Variants in MYH10 observed in about 807,000 individuals in gnomAD.
MYH10 encodes myosin-10.
In MYH10, 55 loss-of-function variants were observed where a neutral mutation model predicts 257.8. The ratio of observed to expected loss-of-function variants is 0.21; its 90% CI spans 0.17 to 0.27. The LOEUF is 0.27. MYH10 is among the 10% of genes least tolerant of loss of function. MYH10 has a pLI of 1.00. For missense variants in MYH10, 1,631 were observed against 2,500.6 expected (o/e 0.65, Z 7.42); for synonymous variants, 854 against 921.7 (o/e 0.93, Z 1.33).
intron 2 of MYH10, among the ~76,000 whole-genome samples, chr17:8,611,024 A>G (rs2085018122): frequency 1.3e-5 from 2 of 152,238 alleles, no homozygotes; most frequent in Admixed American, 6.5e-5. Context: ...ATAGTTATGC[A>G]TCCCAAAACC....
intron 6 of MYH10, among the ~76,000 whole-genome samples, chr17:8,574,068 A>G (rs1039565928): frequency 2.6e-5 from 4 of 152,230 alleles, no homozygotes; most frequent in Non-Finnish European, 4.4e-5. Flanking sequence ...TTCTCACCAT[A>G]ACTTGTACAT....
At chr17:8,610,683 T>C (rs2085005937) in intron 2 of MYH10, among the ~76,000 whole-genome samples, 1 of 152,180 alleles carries the variant, frequency 6.6e-6, no homozygotes, top group African/African-American at 2.4e-5. Flanking sequence ...TTGCTCTCTC[T>C]TGAGCATGCT....
At chr17:8,528,496 T>C (rs927126726) in intron 17 of MYH10, among the ~76,000 whole-genome samples, 1 of 152,226 alleles carries the variant, frequency 6.6e-6, no homozygotes. Context: ...CCCCTGTTCC[T>C]TTCTCTTCTG....
Position 8,574,170 on chromosome 17 carries a change from A to C in MYH10, c.663+2473T>G, listed in dbSNP as rs184102224. Among the ~76,000 whole-genome samples the C allele has an allele frequency of 4.2e-3, 646 of 152,362 alleles. 3 individuals carry two copies. Among genetic ancestry groups the C allele is most frequent in the South Asian group, 0.01 (49 of 4,830 alleles). On this transcript the variant is annotated intron_variant, in intron 6 of 42. Coordinates refer to ENST00000360416, the MANE Select transcript of MYH10 (RefSeq NM_001256012.3). ...TGAATGGATAAACAGAACGTGACACATATTTAATATTATGGAATATTATTT... is the reference window on the plus strand; with the variant it reads ...TGAATGGATAAACAGAACGTGACACCTATTTAATATTATGGAATATTATTT...
At chr17:8,549,135 C>T (rs1567883654) in intron 9 of MYH10, among the ~76,000 whole-genome samples, 1 of 152,196 alleles carries the variant, frequency 6.6e-6, no homozygotes, top group African/African-American at 2.4e-5. Flanking sequence ...AATATTTTAG[C>T]CCTCTTTTTT....
chr17:8,624,282 G>A (rs576742373), intron 1 of MYH10, among the ~76,000 whole-genome samples: 1 of 152,216 alleles, frequency 6.6e-6, no homozygotes, highest in Admixed American at 6.5e-5. Flanking sequence ...TTGTGCACTG[G>A]CTTTCTGGAC....
At chr17:8,538,697 A>G (rs758197655) in intron 14 of MYH10, among the ~76,000 whole-genome samples, 4 of 152,208 alleles carry the variant, frequency 2.6e-5, no homozygotes, top group Admixed American at 6.5e-5. Flanking sequence ...AGAGCCTAGA[A>G]GTGCCAGTAC....
chr17:8,554,198 A>C, intron 7 of MYH10, 180 bp from the exon 8 acceptor site: 1 of 419,052 alleles, frequency 2.4e-6, no homozygotes, highest in Non-Finnish European at 4.3e-6. Flanking sequence ...AAAAAGTAGC[A>C]ACAGAATAGG....
At chr17:8,578,039 G>A (rs2083564810) in intron 4 of MYH10, among the ~76,000 whole-genome samples, 1 of 152,040 alleles carries the variant, frequency 6.6e-6, no homozygotes, top group African/African-American at 2.4e-5. Context: ...TTAATCTGAA[G>A]CAGCTGAAAG....
At chr17:8,572,100 T>A (rs2152007036) in intron 6 of MYH10, among the ~76,000 whole-genome samples, 1 of 152,316 alleles carries the variant, frequency 6.6e-6, no homozygotes, top group South Asian at 2.1e-4. Flanking sequence ...ACTTTGATAG[T>A]CCATCTTTAA....
intron 36 of MYH10, among the ~76,000 whole-genome samples, chr17:8,485,217 C>T (rs963883185): frequency 4.6e-5 from 7 of 151,526 alleles, no homozygotes; most frequent in African/African-American, 1.7e-4. Flanking sequence ...TATGAACATT[C>T]AAAATAAAGC....
Position 8,556,705 on chromosome 17 carries a change from C to T in MYH10, c.757-2687G>A, listed in dbSNP as rs144690337. Among the ~76,000 whole-genome samples, 715 of 152,280 alleles carry T rather than the reference C, an allele frequency of 4.7e-3. 1 individual carries two copies. The highest frequency in any genetic ancestry group is 6.3e-3 in the Non-Finnish European group (428 of 68,008). ...CTAGAGCATGGTGCTCACTACACTA[C>T]GTACACATTTATCTAAACGCACTGA... On this transcript the variant is annotated intron_variant, in intron 7 of 42. Transcript: ENST00000360416.
At chr17:8,572,625 T>G (rs557318462) in intron 6 of MYH10, among the ~76,000 whole-genome samples, 3 of 152,172 alleles carry the variant, frequency 2.0e-5, no homozygotes, top group Admixed American at 6.5e-5. Flanking sequence ...CTAGAACTAT[T>G]TGGGGAGGGG....
intron 19 of MYH10, among the ~76,000 whole-genome samples, chr17:8,520,676 T>G (rs11078756): frequency 0.5 from 76,655 of 151,980 alleles, 20,316 homozygotes; most frequent in Middle Eastern, 0.62. Context: ...ACTCCCTTTT[T>G]ATAAAGTAGG....
chr17:8,510,032 A>G, intron 24 of MYH10, 83 bp from the exon 25 acceptor site: 1 of 1,303,264 alleles, frequency 7.7e-7, no homozygotes. Flanking sequence ...CATTACAATG[A>G]GATACTAATT....
At chr17:8,594,218 A>G (rs776148448) in intron 3 of MYH10, among the ~76,000 whole-genome samples, 2 of 152,252 alleles carry the variant, frequency 1.3e-5, no homozygotes, top group Non-Finnish European at 2.9e-5. Flanking sequence ...TAAAAGACTT[A>G]TATCTAGAAA....
At chr17:8,607,368 TG>T (rs1166208555) in intron 2 of MYH10, among the ~76,000 whole-genome samples, 1 of 152,202 alleles carries the variant, frequency 6.6e-6, no homozygotes, top group Non-Finnish European at 1.5e-5. Flanking sequence ...AATTCCAACA[TG>T]TGTGTCTACC....
At position 8,475,639 on chromosome 17, in the gene MYH10, C is replaced by T; in HGVS notation, c.*165G>A. The T allele has an allele frequency of 1.4e-6, 1 of 731,598 alleles. No individual in the cohort carries two copies. Among genetic ancestry groups the T allele is most frequent in the South Asian group, 1.9e-5 (1 of 53,938 alleles). 45.3% of individuals were successfully genotyped at this position (731,598 alleles called of 1,614,324 possible). A position where few individuals can be genotyped will look rare whatever the true frequency, so the allele number is the denominator to read the frequency against. ...ATATATAAAAAGGGGAGCAATTGTA[C>T]CTAAGTCTGAAGCAGGATACAGTAT... On this transcript the variant is annotated 3_prime_UTR_variant, in exon 43 of 43. Coordinates refer to ENST00000360416, the MANE Select transcript of MYH10 (RefSeq NM_001256012.3).
At chr17:8,483,057 A>C (rs545611065) in intron 37 of MYH10, among the ~76,000 whole-genome samples, 2 of 152,338 alleles carry the variant, frequency 1.3e-5, no homozygotes, top group South Asian at 4.1e-4. Flanking sequence ...CTAGAAATCA[A>C]CTTAAAAAAC....
Sources: allele counts gnomAD v4.1 joint callset (sites outside exome capture counted in the v4.1 genomes callset), GRCh38; gene constraint gnomAD v4.1.1; transcripts MANE v1.5; gene names NCBI Gene and HGNC (gene_info 2026-07-23, HGNC 2026-07-21).